PALD1: variants seen among roughly 807,000 people sequenced by gnomAD.
PALD1 encodes the protein paladin.
Under a neutral mutation model 96.0 loss-of-function variants are expected in PALD1, and 57 were observed. The observed-to-expected ratio is 0.59, with a 90% CI of 0.48 to 0.74. The LOEUF is 0.74. Ranked by LOEUF, PALD1 falls within the 30% of genes least tolerant of loss-of-function variation. The pLI, the probability that PALD1 is intolerant of heterozygous loss-of-function variation, is 0.00. For synonymous variants in PALD1, 464 were observed against 473.6 expected (o/e 0.98, Z 0.26); for missense variants, 1,063 against 1,143.7 (o/e 0.93, Z 1.02).
In PALD1 at chr10:70,567,116, G is replaced by A; in HGVS notation, c.*383G>A. Reference sequence around the variant, plus strand: ...TCCCCTCTCTCAGATTGGCCTGGCAGCCCCTGGCACAGAGCAGACCCGGCC... The same window carrying A: ...TCCCCTCTCTCAGATTGGCCTGGCAACCCCTGGCACAGAGCAGACCCGGCC... On this transcript the variant is annotated 3_prime_UTR_variant, in exon 20 of 20. Transcript: ENST00000263563. 5.2e-6 allele frequency: 1 copy of A among 193,446 alleles called. No individual in the cohort carries two copies. The highest frequency in any genetic ancestry group is 1.0e-5 in the Non-Finnish European group (1 of 95,778). 12.0% of individuals were successfully genotyped at this position (193,446 alleles called of 1,614,324 possible). A position where few individuals can be genotyped will look rare whatever the true frequency, so the allele number is the denominator to read the frequency against.
intron 1 of PALD1, among the ~76,000 whole-genome samples, chr10:70,519,090 A>G (rs1435486758): frequency 6.6e-6 from 1 of 152,154 alleles, no homozygotes; most frequent in East Asian, 1.9e-4. Flanking sequence ...TCATCTGTGG[A>G]AAGAGAGCAT....
At chr10:70,486,108 C>T (rs187332712) in intron 1 of PALD1, 162 of 222,412 alleles carry the variant, frequency 7.3e-4, no homozygotes, top group South Asian at 2.0e-3. Context: ...GGTATTCCTC[C>T]AGGAGGAAGT....
chr10:70,481,292 C>T (rs879940015), intron 1 of PALD1, among the ~76,000 whole-genome samples: 6 of 152,180 alleles, frequency 3.9e-5, no homozygotes, highest in Non-Finnish European at 5.9e-5. Context: ...AGAGGTAGGC[C>T]GAGGCGTGCA....
At chr10:70,549,617 A>G (rs1180459010) in intron 18 of PALD1, among the ~76,000 whole-genome samples, 1 of 152,268 alleles carries the variant, frequency 6.6e-6, no homozygotes, top group Non-Finnish European at 1.5e-5. Context: ...GGCAAAGGCC[A>G]GGGGGCCGAA....
chr10:70,517,923 G>A (rs550076279), intron 1 of PALD1, among the ~76,000 whole-genome samples: 1 of 151,858 alleles, frequency 6.6e-6, no homozygotes, highest in African/African-American at 2.4e-5. Flanking sequence ...TATTTTTTGA[G>A]ATGGAGTTTC....
chr10:70,459,345 C>A, the PALD1 span, among the ~76,000 whole-genome samples: 1 of 152,172 alleles, frequency 6.6e-6, no homozygotes, highest in East Asian at 1.9e-4. Flanking sequence ...AAGTTTCAGA[C>A]CCTTGCAAGG....
chr10:70,523,578 A>G (rs886435484), intron 1 of PALD1, among the ~76,000 whole-genome samples: 2 of 151,866 alleles, frequency 1.3e-5, no homozygotes, highest in East Asian at 1.9e-4. Flanking sequence ...TGAGCTGCCT[A>G]TTTTTCTGTT....
intron 17 of PALD1, among the ~76,000 whole-genome samples, chr10:70,544,969 C>G (rs2132408168): frequency 6.6e-6 from 1 of 152,358 alleles, no homozygotes; most frequent in Middle Eastern, 3.4e-3. Context: ...CTTCCCTGTT[C>G]TTAAGTGGCA....
At chr10:70,469,582 C>T in the PALD1 span, among the ~76,000 whole-genome samples, 1 of 152,102 alleles carries the variant, frequency 6.6e-6, no homozygotes, top group Non-Finnish European at 1.5e-5. Flanking sequence ...CCCCTGCCTG[C>T]TGCTGGGTGC....
chr10:70,459,955 C>T, the PALD1 span, among the ~76,000 whole-genome samples: 5 of 152,236 alleles, frequency 3.3e-5, no homozygotes, highest in African/African-American at 4.8e-5. Context: ...TCACCCTTCA[C>T]CCGGTTCCAT....
rs532945292 is a variant in PALD1 at position 70,532,412 on chromosome 10, C to T, written c.634-209C>T. Among the ~76,000 whole-genome samples, 9 of 152,364 alleles carry T rather than the reference C, an allele frequency of 5.9e-5. No individual in the cohort carries two copies. In the South Asian group the frequency reaches 1.9e-3, roughly 32 times the overall value. On this transcript the variant is annotated intron_variant, in intron 5 of 19. Coordinates refer to ENST00000263563, the MANE Select transcript of PALD1 (RefSeq NM_014431.3). ...TCCTGCACCCACTGGGCAGAGCCCTCCTGCCTTGCCCCTGTGTAGGCACCC... is the reference window on the plus strand; with the variant it reads ...TCCTGCACCCACTGGGCAGAGCCCTTCTGCCTTGCCCCTGTGTAGGCACCC...
At chr10:70,517,677 G>A (rs999731326) in intron 1 of PALD1, among the ~76,000 whole-genome samples, 1 of 151,958 alleles carries the variant, frequency 6.6e-6, no homozygotes, top group Admixed American at 6.6e-5. Context: ...GCAAATGTAC[G>A]CCGTTGTGTG....
intron 1 of PALD1, chr10:70,485,403 CT>C (rs1377861628): frequency 0.019 from 2,777 of 142,572 alleles, 67 homozygotes; most frequent in African/African-American, 0.06. Flanking sequence ...GAGCAAACTT[CT>C]TTTTTTTTTT....
chr10:70,489,307 T>G (rs1564682456), intron 1 of PALD1, among the ~76,000 whole-genome samples: 1 of 152,186 alleles, frequency 6.6e-6, no homozygotes, highest in Non-Finnish European at 1.5e-5. Flanking sequence ...CTGAGTCTTA[T>G]GTCATGCTGC....
At chr10:70,499,552 G>T (rs1846256397) in intron 1 of PALD1, among the ~76,000 whole-genome samples, 1 of 152,226 alleles carries the variant, frequency 6.6e-6, no homozygotes. Context: ...CAGCTACCAG[G>T]ACTTCAGGAT....
chr10:70,481,212 GGC>G, intron 1 of PALD1, among the ~76,000 whole-genome samples: 1 of 152,184 alleles, frequency 6.6e-6, no homozygotes, highest in African/African-American at 2.4e-5. Flanking sequence ...GCTCCTGGGG[GGC>G]ACAGACACAT....
chr10:70,550,671 G>T (rs775735096), intron 18 of PALD1, among the ~76,000 whole-genome samples: 7 of 152,124 alleles, frequency 4.6e-5, no homozygotes, highest in Non-Finnish European at 8.8e-5. Flanking sequence ...TGATCTTTCT[G>T]CCTCTGTGGA....
chr10:70,470,992 G>A, the PALD1 span, among the ~76,000 whole-genome samples: 1 of 150,732 alleles, frequency 6.6e-6, no homozygotes, highest in Non-Finnish European at 1.5e-5. Context: ...TTTTTTTGTG[G>A]TACTTTTAGT....
chr10:70,508,639 G>C (rs1490191429), intron 1 of PALD1, among the ~76,000 whole-genome samples: 1 of 152,210 alleles, frequency 6.6e-6, no homozygotes, highest in Non-Finnish European at 1.5e-5. Context: ...CTGTTCTTGT[G>C]ACTGTGGGCA....
Sources: gnomAD v4.1 joint callset for allele counts (sites outside exome capture counted in the v4.1 genomes callset) on GRCh38, gnomAD v4.1.1 for gene constraint, MANE v1.5 for transcripts, NCBI Gene and HGNC (gene_info 2026-07-23, HGNC 2026-07-21) for gene names.